NR1H2: variants seen among roughly 807,000 people sequenced by gnomAD.
NR1H2 encodes the protein nuclear receptor subfamily 1 group H member 2.
Under a neutral mutation model 51.2 loss-of-function variants are expected in NR1H2, and 33 were observed. The ratio of observed to expected loss-of-function variants is 0.64; its 90% CI spans 0.49 to 0.86. The LOEUF (loss-of-function observed/expected upper bound fraction) is 0.86. Ranked by LOEUF, NR1H2 falls within the 40% of genes least tolerant of loss-of-function variation. The pLI, the probability that NR1H2 is intolerant of heterozygous loss-of-function variation, is 0.00. For synonymous variants in NR1H2, 310 were observed against 264.3 expected, an observed-to-expected ratio of 1.17 and a Z score of -1.68; for missense variants, 592 against 639.9, an observed-to-expected ratio of 0.93 and a Z score of 0.81.
intron 7 of NR1H2, among the ~76,000 whole-genome samples, chr19:50,379,525 G>A (rs1402907611): frequency 1.3e-5 from 2 of 152,198 alleles, no homozygotes; most frequent in Non-Finnish European, 2.9e-5. Context: ...CAAACCCCGT[G>A]CCCCAAACCT....
intron 4 of NR1H2, 51 bp from the exon 5 acceptor site, chr19:50,378,098 G>C: frequency 1.3e-6 from 2 of 1,557,120 alleles, no homozygotes; most frequent in Non-Finnish European, 1.7e-6. Context: ...CATCTCTCTG[G>C]TTCCTGTTTC....
At position 50,381,981 on chromosome 19, in the gene NR1H2, T is replaced by G; in HGVS notation, c.1043T>G (p.Phe348Cys). 1 of 1,559,818 alleles carries G rather than the reference T, an allele frequency of 6.4e-7. No individual in the cohort carries two copies. The highest frequency in any genetic ancestry group is 8.7e-7 in the Non-Finnish European group (1 of 1,151,434). ...CGCCCCGCAGGCCTGCAGGTGGAGT[T>G]CATCAACCCCATCTTCGAGTTCTCG... ...DFHRAGLQVE[F>C]INPIFEFSRA... is the part of the protein sequence containing the mutation. Residue 348 changes from phenylalanine (F) to cysteine (C), a missense_variant, in exon 9 of 10, where the codon TTC (phenylalanine) becomes TGC (cysteine). Phe to Cys is a radical substitution (Grantham distance 205). This residue lies in a region of NR1H2 where 174 missense variants were observed against 174.0 expected (regional missense o/e 1.00). Coordinates refer to ENST00000253727, the MANE Select transcript of NR1H2 (RefSeq NM_007121.7).
At position 50,379,936 on chromosome 19, in the gene NR1H2, G is replaced by A. The variant is rs886522515; in HGVS notation, c.1027+57G>A. ...GGCGCCCCTGCTGGCTGGAAGACCT[G>A]GGGCCAACTCATCCCTGTTGGAGTC... is the stretch of plus-strand genomic sequence containing the variant. On this transcript the variant is annotated intron_variant, in intron 8 of 9. Coordinates refer to ENST00000253727, the MANE Select transcript of NR1H2 (RefSeq NM_007121.7). 90 of 1,112,170 alleles carry A rather than the reference G, an allele frequency of 8.1e-5. 1 individual carries two copies. The highest frequency in any genetic ancestry group is 1.5e-5 in the Non-Finnish European group (11 of 724,498). 68.9% of individuals were successfully genotyped at this position (1,112,170 alleles called of 1,614,324 possible).
In NR1H2 at chr19:50,378,558, T is replaced by C; in HGVS notation, c.509T>C (p.Ile170Thr). 6.7e-7 allele frequency: 1 copy of C among 1,488,276 alleles called. No homozygotes were observed. 92.2% of individuals were successfully genotyped at this position (1,488,276 alleles called of 1,614,324 possible). ...GAAGAACAGATCCGGAAGAAGAAGA[T>C]TCGGAAACAGCAGCAGGAGTCACAG... is the stretch of plus-strand genomic sequence containing the variant. ...LSEEQIRKKK[I>T]RKQQQESQSQ... Residue 170 changes from isoleucine (I) to threonine (T), a missense_variant, in exon 6 of 10, where the codon ATT (isoleucine) becomes ACT (threonine). Ile to Thr is a moderately conservative substitution (Grantham distance 89). Coordinates refer to ENST00000253727, the MANE Select transcript of NR1H2 (RefSeq NM_007121.7).
chr19:50,378,988 C>G lies in NR1H2; in HGVS notation c.748-14C>G. On this transcript the variant is annotated splice_polypyrimidine_tract_variant and intron_variant, in intron 6 of 9. Transcript: ENST00000253727. ...ACAAAGACCTGGGAGTGACCCTGGT[C>G]TCCTGTGTCCCAGCCCTGGCCCCTG... 2 of 1,596,122 alleles carry G rather than the reference C, an allele frequency of 1.3e-6. No homozygotes were observed. The highest frequency in any genetic ancestry group is 1.7e-5 in the Admixed American group (1 of 57,946).
intron 8 of NR1H2, 152 bp downstream of exon 8, chr19:50,380,031 C>A: frequency 1.5e-6 from 1 of 654,600 alleles, no homozygotes; most frequent in Non-Finnish European, 2.8e-6. Context: ...AGTGCATGTG[C>A]CACGTGTGGT....
At position 50,382,620 on chromosome 19, in the gene NR1H2, C is replaced by T; in HGVS notation, c.*18C>T. 3 of 1,540,590 alleles carry T rather than the reference C, an allele frequency of 1.9e-6. No homozygotes were observed. Among genetic ancestry groups the T allele is most frequent in the East Asian group, 2.3e-5 (1 of 44,054 alleles). On this transcript the variant is annotated 3_prime_UTR_variant, in exon 10 of 10. Coordinates refer to ENST00000253727, the MANE Select transcript of NR1H2 (RefSeq NM_007121.7). Reference sequence around the variant, plus strand: ...ACGAGTGAGGGGCTGGCCACCCAGCCCCACAGCCTTGCCTGACCACCCTCC... The same window carrying T: ...ACGAGTGAGGGGCTGGCCACCCAGCTCCACAGCCTTGCCTGACCACCCTCC...
chr19:50,378,505 C>A lies in NR1H2; in HGVS notation c.473-17C>A, dbSNP rs375666218. ...GCCTAGCCCTGGGGTTCTGCTGAGG[C>A]CTGCATCCCCCTACAGGCGTCCTTT... On this transcript the variant is annotated splice_polypyrimidine_tract_variant and intron_variant, in intron 5 of 9. Coordinates refer to ENST00000253727, the MANE Select transcript of NR1H2 (RefSeq NM_007121.7). 3.4e-5 allele frequency: 55 copies of A among 1,594,530 alleles called. No individual in the cohort carries two copies. Among genetic ancestry groups the A allele is most frequent in the Non-Finnish European group, 4.7e-5 (55 of 1,168,210 alleles).
Position 50,378,401 on chromosome 19 carries a change from G to A in NR1H2, c.434G>A (p.Arg145Gln), listed in dbSNP as rs761997652. ...AFMRRKCQQC[R>Q]LRKCKEAGMR... ...ATGCGGCGCAAGTGCCAGCAGTGCC[G>A]GCTGCGCAAGTGCAAGGAGGCAGGG... The change falls in exon 5 of 10, where the codon CGG becomes CAG. Residue 145 changes from arginine to glutamine, a missense_variant. Around this residue, in one of 3 missense-constraint regions of NR1H2, gnomAD observed 316 missense variants for 313.4 expected, o/e 1.01. Transcript: ENST00000253727. 5 of 1,605,690 alleles carry A rather than the reference G, an allele frequency of 3.1e-6. No homozygotes were observed. Among genetic ancestry groups the A allele is most frequent in the East Asian group, 2.2e-5 (1 of 44,634 alleles).
chr19:50,381,681 C>T (rs961263015), intron 8 of NR1H2, among the ~76,000 whole-genome samples: 8 of 152,156 alleles, frequency 5.3e-5, no homozygotes, highest in South Asian at 2.1e-4. Context: ...AATAGGGACT[C>T]GGGAAGCTGC....
Position 50,382,036 on chromosome 19 carries a change from C to T in NR1H2, c.1098C>T (p.Asp366=), listed in dbSNP as rs1275357629. Residue 366 remains aspartate (D), a synonymous_variant, in exon 9 of 10, where the codon GAC becomes GAT. Transcript: ENST00000253727. ...SRAMRRLGLD[D]AEYALLIAIN... is the part of the protein sequence containing the mutation. The stretch of plus-strand genomic sequence containing the variant: ...CCATGCGGCGGCTGGGCCTGGACGA[C>T]GCTGAGTACGCCCTGCTCATCGCCA... The T allele has an allele frequency of 8.3e-6, 13 of 1,563,764 alleles. No homozygotes were observed. The highest frequency in any genetic ancestry group is 2.4e-5 in the East Asian group (1 of 41,974).
chr19:50,380,609 C>T (rs1210671769), intron 8 of NR1H2, among the ~76,000 whole-genome samples: 1 of 152,128 alleles, frequency 6.6e-6, no homozygotes, highest in Non-Finnish European at 1.5e-5. Context: ...CCTTTCACCA[C>T]CCGAGACGGT....
intron 4 of NR1H2, 110 bp downstream of exon 4, chr19:50,377,980 T>C: frequency 6.9e-7 from 1 of 1,450,960 alleles, no homozygotes; most frequent in Non-Finnish European, 9.2e-7. Context: ...TGTTCTTGCT[T>C]TCTCCTTAAC....
chr19:50,377,665 C>G lies in NR1H2; in HGVS notation c.43+17C>G. The G allele has an allele frequency of 6.2e-7, 1 of 1,611,266 alleles. No individual in the cohort carries two copies. Among genetic ancestry groups the G allele is most frequent in the South Asian group, 1.1e-5 (1 of 90,836 alleles). The stretch of plus-strand genomic sequence containing the variant: ...CCCTGCCTGGTGAGTGACTCTCTTC[C>G]CCACCCAGCCCTTATCACACACGAG... On this transcript the variant is annotated intron_variant, in intron 3 of 9. Coordinates refer to ENST00000253727, the MANE Select transcript of NR1H2 (RefSeq NM_007121.7).
chr19:50,379,192 A>G lies in NR1H2; in HGVS notation c.927+11A>G, dbSNP rs751490414. The G allele has an allele frequency of 1.9e-6, 3 of 1,604,854 alleles. No individual in the cohort carries two copies. The highest frequency in any genetic ancestry group is 2.6e-6 in the Non-Finnish European group (3 of 1,175,248). On this transcript the variant is annotated intron_variant, in intron 7 of 9. Coordinates refer to ENST00000253727, the MANE Select transcript of NR1H2 (RefSeq NM_007121.7). Reference sequence around the variant, plus strand: ...GCATCCACTATCGAGGTAATGGTCCATCTGCCCACAAGGAACCCCAGAGAT... The same window carrying G: ...GCATCCACTATCGAGGTAATGGTCCGTCTGCCCACAAGGAACCCCAGAGAT...
In NR1H2 at chr19:50,378,555, A is replaced by T. The variant is rs1294084822; in HGVS notation, c.506A>T (p.Lys169Met). The T allele has an allele frequency of 6.6e-6, 10 of 1,514,970 alleles. No homozygotes were observed. Among genetic ancestry groups the T allele is most frequent in the Non-Finnish European group, 8.8e-6 (10 of 1,140,912 alleles). 93.8% of individuals were successfully genotyped at this position (1,514,970 alleles called of 1,614,324 possible). A position where few individuals can be genotyped will look rare whatever the true frequency, so the allele number is the denominator to read the frequency against. Residue 169 changes from lysine (K) to methionine (M), a missense_variant, in exon 6 of 10, where the codon AAG becomes ATG. Coordinates refer to ENST00000253727, the MANE Select transcript of NR1H2 (RefSeq NM_007121.7). ...VLSEEQIRKK[K>M]IRKQQQESQS... ...TCTGAAGAACAGATCCGGAAGAAGA[A>T]GATTCGGAAACAGCAGCAGGAGTCA...
At chr19:50,382,412 G>C in intron 9 of NR1H2, 44 bp from the exon 10 acceptor site, 2 of 1,546,804 alleles carry the variant, frequency 1.3e-6, no homozygotes, top group Non-Finnish European at 1.7e-6. Context: ...CCAAAGCCTG[G>C]CAGGGCAGGG....
In NR1H2 at chr19:50,381,987, AC is replaced by A. The variant is rs2123657492; in HGVS notation, c.1053del (p.Ile352SerfsTer71). On this transcript the variant is annotated frameshift_variant, in exon 9 of 10. Coordinates refer to ENST00000253727, the MANE Select transcript of NR1H2 (RefSeq NM_007121.7). LOFTEE classifies it high-confidence loss of function. ...GCAGGCCTGCAGGTGGAGTTCATCA[AC>A]CCCATCTTCGAGTTCTCGCGGGCCA... ...HRAGLQVEFI[N>X]PIFEFSRAMR... 1 of 1,561,442 alleles carries A rather than the reference AC, an allele frequency of 6.4e-7. No homozygotes were observed. Among genetic ancestry groups the A allele is most frequent in the East Asian group, 2.4e-5 (1 of 41,836 alleles).
chr19:50,377,958 A>T (rs1376251776), intron 4 of NR1H2, 88 bp downstream of exon 4: 2 of 1,478,528 alleles, frequency 1.4e-6, no homozygotes, highest in African/African-American at 2.8e-5. Context: ...GGAGGCCCTG[A>T]TCTTTGCTTT....
Sources: allele counts gnomAD v4.1 joint callset (sites outside exome capture counted in the v4.1 genomes callset), GRCh38; gene constraint gnomAD v4.1.1; regional missense constraint gnomAD v4.1.1; transcripts MANE v1.5; gene names NCBI Gene and HGNC (gene_info 2026-07-23, HGNC 2026-07-21).